EBP: variants seen among roughly 807,000 people sequenced by gnomAD.
EBP encodes 3-beta-hydroxysteroid-Delta(8),Delta(7)-isomerase.
A neutral mutation model predicts 14.1 loss-of-function variants in EBP; 1 was observed. That is an observed-to-expected ratio of 0.07 (90% CI 0.03 to 0.34). EBP has a LOEUF of 0.34. Among genes scored for constraint, EBP ranks in the 10% least tolerant of loss-of-function variants. The probability of loss-of-function intolerance (pLI) is 0.99; values close to 1 mark genes in which losing one functional copy is unlikely to be tolerated. For missense variants in EBP, 123 were observed against 184.6 expected (o/e 0.67, Z 1.93); for synonymous variants, 72 against 77.7 (o/e 0.93, Z 0.38).
intron 1 of EBP, among the ~76,000 whole-genome samples, chrX:48,523,355 C>A (rs2061769075): frequency 9.1e-6 from 1 of 110,411 alleles, no homozygotes. Flanking sequence ...GAGATCAAGA[C>A]CATCCTGGCT....
At chrX:48,523,335 G>C (rs1602088109) in intron 1 of EBP, among the ~76,000 whole-genome samples, 2 of 110,504 alleles carry the variant, frequency 1.8e-5, no homozygotes. Context: ...CGGGCGGATC[G>C]TGAGGTCAGG....
In EBP at chrX:48,523,808, C is replaced by A. The variant is rs1556977014; in HGVS notation, c.37C>A (p.Pro13Thr). ...TNAGPLHPYW[P>T]QHLRLDNFVP... ...CGCGGGCCCCTTGCACCCATACTGGCCTCAGCACCTAAGACTGGACAACTT... is the reference window on the plus strand; with the variant it reads ...CGCGGGCCCCTTGCACCCATACTGGACTCAGCACCTAAGACTGGACAACTT... Residue 13 changes from proline to threonine, a missense_variant, in exon 2 of 5, where the codon CCT becomes ACT. Physicochemically the swap from Pro to Thr is conservative, Grantham distance 38 (BLOSUM62 -1). Transcript: ENST00000495186. The A allele has an allele frequency of 7.4e-6, 9 of 1,208,619 alleles. No individual in the cohort carries two copies. Among genetic ancestry groups the A allele is most frequent in the Non-Finnish European group, 1.0e-5 (9 of 894,431 alleles).
chrX:48,524,816 G>A (rs1384414341), intron 2 of EBP: 1 of 108,342 alleles, frequency 9.2e-6, no homozygotes, highest in Non-Finnish European at 1.9e-5. Context: ...AGCCTCCCCA[G>A]TAGCTGGGAC....
At chrX:48,522,901 G>A (rs1222458553) in intron 1 of EBP, among the ~76,000 whole-genome samples, 1 of 111,266 alleles carries the variant, frequency 9.0e-6, no homozygotes, top group Non-Finnish European at 1.9e-5. Context: ...TTGAACTCCT[G>A]AGCTCAAGTG....
At chrX:48,527,316 C>T in intron 4 of EBP, 31 bp downstream of exon 4, 1 of 1,209,920 alleles carries the variant, frequency 8.3e-7, no homozygotes. Flanking sequence ...GGGCACTGGG[C>T]ACTAGAGGGG....
rs782612444 is a variant in EBP, at chrX:48,528,488, G to A, written c.*31G>A. ...GGTGGACCAGGCTCGAACACTGGCC[G>A]AGGAGGAGCTCTCTGCCTGCCAGAA... is the stretch of plus-strand genomic sequence containing the variant. On this transcript the variant is annotated 3_prime_UTR_variant, in exon 5 of 5. Coordinates refer to ENST00000495186, the MANE Select transcript of EBP (RefSeq NM_006579.3). 8.3e-5 allele frequency: 92 copies of A among 1,110,927 alleles called. 1 individual carries two copies. The South Asian group carries it at 1.5e-3, about 18-fold the overall frequency. 91.6% of individuals were successfully genotyped at this position (1,110,927 alleles called of 1,213,427 possible).
Position 48,523,838 on chromosome X carries a change from C to T in EBP, c.67C>T (p.Pro23Ser). ...PQHLRLDNFVPNDRPTWHILA... is the reference protein window; with the variant it reads ...PQHLRLDNFVSNDRPTWHILA... ...GCACCTAAGACTGGACAACTTTGTACCTAATGACCGCCCCACCTGGCATAT... is the reference window on the plus strand; with the variant it reads ...GCACCTAAGACTGGACAACTTTGTATCTAATGACCGCCCCACCTGGCATAT... The change falls in exon 2 of 5, where the codon CCT becomes TCT. Residue 23 changes from proline to serine, a missense_variant. Coordinates refer to ENST00000495186, the MANE Select transcript of EBP (RefSeq NM_006579.3). 1 of 1,210,456 alleles carries T rather than the reference C, an allele frequency of 8.3e-7. No homozygotes were observed. Among genetic ancestry groups the T allele is most frequent in the Non-Finnish European group, 1.1e-6 (1 of 895,246 alleles).
intron 2 of EBP, among the ~76,000 whole-genome samples, chrX:48,526,622 G>A (rs1399956784): frequency 1.8e-5 from 2 of 111,736 alleles, no homozygotes; most frequent in South Asian, 3.7e-4. Context: ...ATGAGCCATC[G>A]TGCCCGGCGG....
intron 2 of EBP, chrX:48,524,828 A>G (rs1312460536): frequency 9.2e-6 from 1 of 108,257 alleles, no homozygotes; most frequent in East Asian, 3.0e-4. Context: ...AGCTGGGACT[A>G]TACTATAGGT....
At chrX:48,523,649 C>A in intron 1 of EBP, 50 bp from the exon 2 acceptor site, 6 of 735,607 alleles carry the variant, frequency 8.2e-6, no homozygotes. Context: ...TGATAATAAA[C>A]TATTTGAATT....
intron 2 of EBP, among the ~76,000 whole-genome samples, chrX:48,525,732 G>A (rs952637455): frequency 9.1e-6 from 1 of 109,625 alleles, no homozygotes; most frequent in Non-Finnish European, 1.9e-5. Context: ...TTCAAAGCAT[G>A]GACATTGTAC....
At chrX:48,523,080 A>G (rs1446749868) in intron 1 of EBP, among the ~76,000 whole-genome samples, 2 of 111,322 alleles carry the variant, frequency 1.8e-5, no homozygotes, top group Non-Finnish European at 3.8e-5. Flanking sequence ...CAGCCTACCT[A>G]CTAGCTGGGA....
chrX:48,527,414 A>G, intron 4 of EBP, 129 bp downstream of exon 4: 8 of 1,051,018 alleles, frequency 7.6e-6, no homozygotes, highest in Non-Finnish European at 1.0e-5. Flanking sequence ...ACTGAATGAC[A>G]AACCCCCTGA....
chrX:48,527,098 G>A, intron 3 of EBP, 57 bp from the exon 4 acceptor site: 1 of 1,211,823 alleles, frequency 8.3e-7, no homozygotes, highest in Non-Finnish European at 1.1e-6. Flanking sequence ...GCACTAATGG[G>A]CTAACCTGTA....
chrX:48,527,122 G>A (rs782703576), intron 3 of EBP, 33 bp from the exon 4 acceptor site: 6 of 1,211,828 alleles, frequency 5.0e-6, no homozygotes, highest in Admixed American at 4.3e-5. Flanking sequence ...AGAGCACACC[G>A]ATACCAGTGT....
intron 4 of EBP, 130 bp downstream of exon 4, chrX:48,527,415 A>C (rs782549530): frequency 3.3e-5 from 35 of 1,049,499 alleles, no homozygotes; most frequent in Non-Finnish European, 4.3e-5. Context: ...CTGAATGACA[A>C]ACCCCCTGAG....
At chrX:48,523,458 G>T (rs782780748) in intron 1 of EBP, among the ~76,000 whole-genome samples, 1 of 108,034 alleles carries the variant, frequency 9.3e-6, no homozygotes, top group South Asian at 4.1e-4. Flanking sequence ...GGAGGCTGAG[G>T]CAGGAGAATC....
At chrX:48,526,630 C>T (rs2061780025) in intron 2 of EBP, among the ~76,000 whole-genome samples, 1 of 111,971 alleles carries the variant, frequency 8.9e-6, no homozygotes, top group Non-Finnish European at 1.9e-5. Context: ...TCGTGCCCGG[C>T]GGTCTTTTTC....
chrX:48,522,963 G>A (rs567877641), intron 1 of EBP, among the ~76,000 whole-genome samples: 10 of 110,021 alleles, frequency 9.1e-5, no homozygotes, highest in African/African-American at 3.0e-4. Context: ...GTGAGCCACC[G>A]CGCCCGGCCT....
Sources: gnomAD v4.1 joint callset for allele counts (sites outside exome capture counted in the v4.1 genomes callset) on GRCh38, gnomAD v4.1.1 for gene constraint, MANE v1.5 for transcripts, NCBI Gene and HGNC (gene_info 2026-07-23, HGNC 2026-07-21) for gene names.